Variants in JAKMIP2 observed in about 807,000 individuals in gnomAD.
JAKMIP2 encodes the protein janus kinase and microtubule interacting protein 2.
In JAKMIP2, 25 loss-of-function variants were observed where a neutral mutation model predicts 115.0. That is an observed-to-expected ratio of 0.22 (90% CI 0.16 to 0.30). The LOEUF is 0.30. Among genes scored for constraint, JAKMIP2 ranks in the 10% least tolerant of loss-of-function variants. The pLI is 1.00. For missense variants in JAKMIP2, 642 were observed against 957.6 expected (o/e 0.67, Z 4.35); for synonymous variants, 334 against 343.6 (o/e 0.97, Z 0.31).
At chr5:147,623,914 C>T (rs183476723) in intron 16 of JAKMIP2, among the ~76,000 whole-genome samples, 1 of 152,244 alleles carries the variant, frequency 6.6e-6, no homozygotes, top group East Asian at 1.9e-4. Flanking sequence ...TCGGCTCCTG[C>T]AACCTCCGCC....
intron 1 of JAKMIP2, among the ~76,000 whole-genome samples, chr5:147,721,268 C>T (rs1238645089): frequency 2.0e-5 from 3 of 152,082 alleles, no homozygotes; most frequent in East Asian, 1.9e-4. Context: ...CAGACAGGGA[C>T]ATTTAAGTCT....
rs140754294 is a variant in JAKMIP2, at chr5:147,663,798, A to G, written c.130-2353T>C. Among the ~76,000 whole-genome samples the G allele has an allele frequency of 1.0e-3, 153 of 152,288 alleles. 3 individuals carry two copies. The East Asian group carries it at 0.028, about 27-fold the overall frequency. ...AGGGGATTTGGTGAAATAAGCAGCCAGATATCCTCAAATAACCATCCTCTG... is the reference window on the plus strand; with the variant it reads ...AGGGGATTTGGTGAAATAAGCAGCCGGATATCCTCAAATAACCATCCTCTG... On this transcript the variant is annotated intron_variant, in intron 2 of 21. Transcript: ENST00000616793.
chr5:147,748,280 T>C (rs1199812633), intron 1 of JAKMIP2, among the ~76,000 whole-genome samples: 1 of 152,106 alleles, frequency 6.6e-6, no homozygotes, highest in Non-Finnish European at 1.5e-5. Flanking sequence ...AAATAATATA[T>C]ATATATAAAT....
chr5:147,596,171 T>A (rs1051168269), intron 21 of JAKMIP2, among the ~76,000 whole-genome samples: 1 of 151,940 alleles, frequency 6.6e-6, no homozygotes, highest in Non-Finnish European at 1.5e-5. Context: ...CAGGGCTTTG[T>A]TGGCCAAGTT....
In JAKMIP2 at chr5:147,588,892, G is replaced by A. The variant is rs1014712841; in HGVS notation, c.*2815C>T. On this transcript the variant is annotated 3_prime_UTR_variant, in exon 22 of 22. Coordinates refer to ENST00000616793, the MANE Select transcript of JAKMIP2 (RefSeq NM_001270941.2). ...ATTTTGACTTACAAATTTCTTGGTG[G>A]GTGGGAAAGCAAAATTAAGAGAAGG... is the stretch of plus-strand genomic sequence containing the variant. The A allele has an allele frequency of 1.3e-5, 2 of 151,962 alleles. No individual in the cohort carries two copies. The highest frequency in any genetic ancestry group is 2.9e-5 in the Non-Finnish European group (2 of 67,992). 9.4% of individuals were successfully genotyped at this position (151,962 alleles called of 1,614,324 possible).
At chr5:147,636,881 G>A (rs1755195936) in intron 11 of JAKMIP2, 84 bp downstream of exon 11, 1 of 838,140 alleles carries the variant, frequency 1.2e-6, no homozygotes, top group African/African-American at 1.7e-5. Context: ...CTGTGTCCTG[G>A]GTGCGGCCCA....
chr5:147,778,862 T>G (rs1453474803), intron 1 of JAKMIP2, among the ~76,000 whole-genome samples: 2 of 152,116 alleles, frequency 1.3e-5, no homozygotes, highest in Non-Finnish European at 2.9e-5. Flanking sequence ...GCTAGTCATA[T>G]AAAACCTCTA....
chr5:147,746,942 A>G (rs1303163707), intron 1 of JAKMIP2, among the ~76,000 whole-genome samples: 1 of 152,170 alleles, frequency 6.6e-6, no homozygotes, highest in Non-Finnish European at 1.5e-5. Flanking sequence ...AGTGCCCATA[A>G]GTTAGTGCTT....
chr5:147,750,374 G>C (rs1754503633), intron 1 of JAKMIP2, among the ~76,000 whole-genome samples: 1 of 152,124 alleles, frequency 6.6e-6, no homozygotes, highest in East Asian at 1.9e-4. Flanking sequence ...GCCCCATGGG[G>C]AGGGTTTTCC....
At chr5:147,605,466 C>A (rs1349546688) in intron 20 of JAKMIP2, among the ~76,000 whole-genome samples, 1 of 152,114 alleles carries the variant, frequency 6.6e-6, no homozygotes, top group Non-Finnish European at 1.5e-5. Context: ...ACCTCGGCCT[C>A]CCAAAGTGCT....
intron 2 of JAKMIP2, among the ~76,000 whole-genome samples, chr5:147,665,731 A>G (rs1432100059): frequency 6.6e-6 from 1 of 152,218 alleles, no homozygotes; most frequent in East Asian, 1.9e-4. Context: ...TAGATTGTGT[A>G]CGGAAAAGTA....
intron 21 of JAKMIP2, among the ~76,000 whole-genome samples, chr5:147,592,480 C>G (rs1755146001): frequency 6.6e-6 from 1 of 152,172 alleles, no homozygotes; most frequent in Admixed American, 6.5e-5. Context: ...CTCTGTAAGT[C>G]CATATGTCTG....
chr5:147,681,010 G>T (rs1760236477), intron 1 of JAKMIP2, among the ~76,000 whole-genome samples: 2 of 152,276 alleles, frequency 1.3e-5, no homozygotes, highest in Admixed American at 6.5e-5. Context: ...CCTAGTGTAT[G>T]AAATCGCTGT....
chr5:147,615,310 A>G (rs1756515097), intron 19 of JAKMIP2, among the ~76,000 whole-genome samples: 6 of 152,188 alleles, frequency 3.9e-5, no homozygotes, highest in Admixed American at 3.9e-4. Flanking sequence ...CTGGGACTGG[A>G]AAAATGAGAA....
At chr5:147,634,265 A>G (rs1027996319) in intron 12 of JAKMIP2, among the ~76,000 whole-genome samples, 2 of 152,148 alleles carry the variant, frequency 1.3e-5, no homozygotes, top group Non-Finnish European at 2.9e-5. Flanking sequence ...TTCCTCCTTT[A>G]GCCCAAAAAG....
intron 1 of JAKMIP2, among the ~76,000 whole-genome samples, chr5:147,755,400 C>T (rs985799692): frequency 1.3e-5 from 2 of 152,166 alleles, no homozygotes; most frequent in Admixed American, 1.3e-4. Context: ...ACTTTGGGCG[C>T]ACTTCATCAG....
intron 21 of JAKMIP2, chr5:147,594,532 C>T (rs1032133829): frequency 5.0e-6 from 2 of 399,160 alleles, no homozygotes; most frequent in African/African-American, 4.1e-5. Context: ...TGGGATTTCA[C>T]CATGTTTCCC....
At chr5:147,635,398 A>G (rs1056563148) in intron 12 of JAKMIP2, among the ~76,000 whole-genome samples, 1 of 103,360 alleles carries the variant, frequency 9.7e-6, no homozygotes, top group African/African-American at 3.9e-5. Context: ...GTATTCATCT[A>G]AAAAAAATCT....
intron 1 of JAKMIP2, among the ~76,000 whole-genome samples, chr5:147,699,584 A>G (rs1752244671): frequency 6.6e-6 from 1 of 152,192 alleles, no homozygotes; most frequent in African/African-American, 2.4e-5. Context: ...CCCCAGCCAT[A>G]AATGAACTAG....
Sources: allele counts gnomAD v4.1 joint callset (sites outside exome capture counted in the v4.1 genomes callset), GRCh38; gene constraint gnomAD v4.1.1; transcripts MANE v1.5; gene names NCBI Gene and HGNC (gene_info 2026-07-23, HGNC 2026-07-21).